The following CD276 variants were observed in gnomAD, a reference collection of about 807,000 sequenced individuals.
CD276 encodes CD276 molecule.
A neutral mutation model predicts 50.0 loss-of-function variants in CD276; 34 were observed. That is an observed-to-expected ratio of 0.68 (90% confidence interval 0.52 to 0.91). CD276 has a LOEUF of 0.91. CD276 is among the 40% of genes least tolerant of loss of function. CD276 has a pLI of 0.00. For synonymous variants in CD276, 275 were observed against 313.0 expected (o/e 0.88, Z 1.28); for missense variants, 634 against 717.5 (o/e 0.88, Z 1.33).
rs7172248 is a variant in CD276 at position 73,693,281 on chromosome 15, G to A, written c.-54-6305G>A. On this transcript the variant is annotated intron_variant, in intron 1 of 9. Transcript: ENST00000318443. ...ATCCACCAACAAATTATTGAGCATT[G>A]TCTATGCACCAGAACAGTCAAAAGA... Among the ~76,000 whole-genome samples, 642 of 152,198 alleles carry A rather than the reference G, an allele frequency of 4.2e-3. 2 individuals are homozygous for A. Among genetic ancestry groups the A allele is most frequent in the African/African-American group, 0.015 (606 of 41,518 alleles).
In CD276 at chr15:73,707,506, C is replaced by T. The variant is rs993155998; in HGVS notation, c.1370-833C>T. Among the ~76,000 whole-genome samples, 15 of 152,306 alleles carry T rather than the reference C, an allele frequency of 9.8e-5. No homozygotes were observed. The East Asian group carries it at 2.9e-3, about 29-fold the overall frequency. ...AAGGCCCCTGCAGACCTACCTGACTCCTTGGGGAAACTCCAAGCCCTCACT... is the reference window on the plus strand; with the variant it reads ...AAGGCCCCTGCAGACCTACCTGACTTCTTGGGGAAACTCCAAGCCCTCACT... On this transcript the variant is annotated intron_variant, in intron 6 of 9. Transcript: ENST00000318443.
intron 1 of CD276, among the ~76,000 whole-genome samples, chr15:73,694,752 T>C (rs148919423): frequency 6.6e-6 from 1 of 152,314 alleles, no homozygotes; most frequent in East Asian, 1.9e-4. Context: ...CACATCAGTG[T>C]ACACATTGCA....
intron 1 of CD276, among the ~76,000 whole-genome samples, chr15:73,694,431 G>C (rs1900098905): frequency 6.6e-6 from 1 of 151,906 alleles, no homozygotes; most frequent in Non-Finnish European, 1.5e-5. Flanking sequence ...AGACGGGGAA[G>C]AGAAGGAGGG....
At chr15:73,693,668 G>A (rs373440385) in intron 1 of CD276, among the ~76,000 whole-genome samples, 116 of 152,222 alleles carry the variant, frequency 7.6e-4, no homozygotes, top group African/African-American at 2.7e-3. Context: ...TGGTGACTTC[G>A]TCAAGGAAGA....
At position 73,699,677 on chromosome 15, in the gene CD276, A is replaced by G. The variant is rs895216823; in HGVS notation, c.38A>G (p.His13Arg). ...CGGGGCAGCCCTGGCATGGGTGTGC[A>G]TGTGGGTGCAGCCCTGGGAGCACTG... ...RRRGSPGMGV[H>R]VGAALGALWF... The change falls in exon 2 of 10, where the codon CAT becomes CGT. Residue 13 changes from histidine to arginine, a missense_variant. By Grantham distance (29) the His-to-Arg change is conservative (BLOSUM62 0). Coordinates refer to ENST00000318443, the MANE Select transcript of CD276 (RefSeq NM_001024736.2). The G allele has an allele frequency of 6.8e-6, 11 of 1,612,794 alleles. No homozygotes were observed. Among genetic ancestry groups the G allele is most frequent in the African/African-American group, 1.3e-5 (1 of 74,912 alleles).
In CD276 at chr15:73,687,090, G is replaced by A. The variant is rs1483690250; in HGVS notation, c.-55+2630G>A. On this transcript the variant is annotated intron_variant, in intron 1 of 9. Coordinates refer to ENST00000318443, the MANE Select transcript of CD276 (RefSeq NM_001024736.2). The surrounding 1 kb of genome is among the most constrained non-coding windows in gnomAD (Gnocchi z 4.0). ...CATGATTTTTGAGAAATTGCCTTTGGTCTTGTTGGCTCAGAATGGACCCCA... is the reference window on the plus strand; with the variant it reads ...CATGATTTTTGAGAAATTGCCTTTGATCTTGTTGGCTCAGAATGGACCCCA... Among the ~76,000 whole-genome samples the A allele has an allele frequency of 6.6e-6, 1 of 152,092 alleles. No individual in the cohort carries two copies. Among genetic ancestry groups the A allele is most frequent in the Non-Finnish European group, 1.5e-5 (1 of 68,006 alleles).
At chr15:73,693,685 A>G (rs1046370492) in intron 1 of CD276, among the ~76,000 whole-genome samples, 1 of 152,084 alleles carries the variant, frequency 6.6e-6, no homozygotes, top group African/African-American at 2.4e-5. Flanking sequence ...AAGATCAAAT[A>G]CTTGCAGGGC....
intron 1 of CD276, among the ~76,000 whole-genome samples, chr15:73,692,902 A>G (rs1001551647): frequency 1.3e-5 from 2 of 152,242 alleles, no homozygotes; most frequent in South Asian, 2.1e-4. Context: ...CCTGGAACCA[A>G]TGAGCACTTG....
rs566816110 is a variant in CD276, at chr15:73,714,302, A to C, written c.*1346A>C. ...TGCCCCCCACCCCCACCATGGTGCT[A>C]TTCTGGGGCTGGGGCAGTCTTTTCC... On this transcript the variant is annotated 3_prime_UTR_variant, in exon 10 of 10. Transcript: ENST00000318443. The C allele has an allele frequency of 4.2e-4, 68 of 162,430 alleles. No individual in the cohort carries two copies. The highest frequency in any genetic ancestry group is 3.2e-3 in the Admixed American group (49 of 15,340). The allele number at this position is 162,430 out of a possible 1,614,324, so 10.1% of individuals were successfully genotyped here.
intron 6 of CD276, 140 bp from the exon 7 acceptor site, chr15:73,708,199 A>G (rs1432294459): frequency 4.7e-6 from 4 of 856,188 alleles, no homozygotes; most frequent in African/African-American, 1.7e-5. Flanking sequence ...AAGGGACTGT[A>G]GGAACTTAAG....
chr15:73,689,193 TGTGTGTGTG>T (rs1567012309), intron 1 of CD276, among the ~76,000 whole-genome samples: 7 of 128,842 alleles, frequency 5.4e-5, no homozygotes, highest in Admixed American at 4.4e-4. Flanking sequence ...GCCTCCTGTG[TGTGTGTGTG>T]TGTGTGTGTG....
At chr15:73,711,663 C>T (rs1163910063) in intron 9 of CD276, 2 of 159,482 alleles carry the variant, frequency 1.3e-5, no homozygotes, top group Non-Finnish European at 2.8e-5. Flanking sequence ...AGCCCTAACT[C>T]AGGGGAGGCT....
Position 73,702,875 on chromosome 15 carries a change from T to C in CD276, c.522T>C (p.Ala174=). 1 of 1,614,112 alleles carries C rather than the reference T, an allele frequency of 6.2e-7. No homozygotes were observed. The highest frequency in any genetic ancestry group is 8.5e-7 in the Non-Finnish European group (1 of 1,180,022). The change falls in exon 4 of 10, where the codon GCT becomes GCC. Residue 174 remains alanine (A), a synonymous_variant. Transcript: ENST00000318443. ...CCAGCTACCAGGGCTACCCTGAGGC[T>C]GAGGTGTTCTGGCAGGATGGGCAGG... ...TCSSYQGYPE[A]EVFWQDGQGV...
intron 1 of CD276, among the ~76,000 whole-genome samples, chr15:73,685,242 T>TG (rs1398453367): frequency 6.6e-6 from 1 of 150,860 alleles, no homozygotes; most frequent in Non-Finnish European, 1.5e-5. Flanking sequence ...GGACCCCGAG[T>TG]GGGGGCACAC....
chr15:73,699,016 A>G (rs966477748), intron 1 of CD276, among the ~76,000 whole-genome samples: 7 of 152,184 alleles, frequency 4.6e-5, no homozygotes, highest in African/African-American at 1.4e-4. Context: ...CAAATTCCTC[A>G]CTGGTCTCTC....
At chr15:73,698,137 T>A (rs1015479715) in intron 1 of CD276, among the ~76,000 whole-genome samples, 1 of 152,174 alleles carries the variant, frequency 6.6e-6, no homozygotes, top group Admixed American at 6.5e-5. Flanking sequence ...AGGCCTGACC[T>A]GCAGCCACAG....
At chr15:73,694,608 C>A (rs1464090407) in intron 1 of CD276, among the ~76,000 whole-genome samples, 2 of 152,220 alleles carry the variant, frequency 1.3e-5, no homozygotes, top group African/African-American at 4.8e-5. Context: ...TGCTGCTCTG[C>A]CGTCCTCAGG....
rs375871029 is a variant in CD276 at position 73,702,450 on chromosome 15, G to A, written c.275G>A (p.Arg92His). 5.0e-5 allele frequency: 81 copies of A among 1,613,596 alleles called. No homozygotes were observed. Among genetic ancestry groups the A allele is most frequent in the Non-Finnish European group, 6.0e-5 (71 of 1,180,018 alleles). ...GQDQGSAYAN[R>H]TALFPDLLAQ... Reference sequence around the variant, plus strand: ...GACCAGGGCAGCGCCTATGCCAACCGCACGGCCCTCTTCCCGGACCTGCTG... The same window carrying A: ...GACCAGGGCAGCGCCTATGCCAACCACACGGCCCTCTTCCCGGACCTGCTG... The change falls in exon 3 of 10, where the codon CGC (arginine) becomes CAC (histidine). Residue 92 changes from arginine (R) to histidine (H), a missense_variant. By Grantham distance (29) the Arg-to-His change is conservative (BLOSUM62 0). Transcript: ENST00000318443.
At chr15:73,711,072 A>C (rs1396883653) in intron 8 of CD276, 63 bp from the exon 9 acceptor site, 9 of 1,572,432 alleles carry the variant, frequency 5.7e-6, no homozygotes, top group Non-Finnish European at 7.0e-6. Flanking sequence ...CCTCTGCCTG[A>C]CTCCCTACCC....
Sources: gnomAD v4.1 joint callset for allele counts (sites outside exome capture counted in the v4.1 genomes callset) on GRCh38, gnomAD v4.1.1 for gene constraint, Gnocchi (gnomAD v3.1) non-coding constraint, MANE v1.5 for transcripts, NCBI Gene and HGNC (gene_info 2026-07-23, HGNC 2026-07-21) for gene names.